TRIM27: variants seen among roughly 807,000 people sequenced by gnomAD.
TRIM27 encodes the protein tripartite motif containing 27.
Under a neutral mutation model 57.6 loss-of-function variants are expected in TRIM27, and 12 were observed. The ratio of observed to expected loss-of-function variants is 0.21; its 90% CI spans 0.13 to 0.34. TRIM27 has a LOEUF of 0.34. TRIM27 is among the 10% of genes least tolerant of loss of function. TRIM27 has a pLI of 1.00. For missense variants in TRIM27, 403 were observed against 656.8 expected (o/e 0.61, Z 4.22); for synonymous variants, 266 against 259.0 (o/e 1.03, Z -0.26).
chr6:28,918,349 A>C (rs368112633), intron 3 of TRIM27, among the ~76,000 whole-genome samples: 1 of 151,680 alleles, frequency 6.6e-6, no homozygotes, highest in Non-Finnish European at 1.5e-5. Flanking sequence ...CATTCACCTG[A>C]CCTAGTCACT....
intron 4 of TRIM27, among the ~76,000 whole-genome samples, chr6:28,910,479 A>T (rs1773121596): frequency 6.6e-6 from 1 of 152,084 alleles, no homozygotes; most frequent in Non-Finnish European, 1.5e-5. Flanking sequence ...ACAGGCATGC[A>T]CCACCACGCC....
intron 6 of TRIM27, 42 bp from the exon 7 acceptor site, chr6:28,907,304 T>G: frequency 1.3e-6 from 2 of 1,596,454 alleles, no homozygotes; most frequent in Non-Finnish European, 1.7e-6. Flanking sequence ...TCATGAGGGT[T>G]TCCAGGAAAT....
At chr6:28,910,628 C>A (rs1475875124) in intron 4 of TRIM27, among the ~76,000 whole-genome samples, 2 of 152,158 alleles carry the variant, frequency 1.3e-5, no homozygotes, top group East Asian at 3.8e-4. Flanking sequence ...CCGCACCCAA[C>A]CTGCACATTT....
At chr6:28,921,810 G>T (rs1281122099) in intron 2 of TRIM27, 82 bp downstream of exon 2, 3 of 1,150,410 alleles carry the variant, frequency 2.6e-6, no homozygotes, top group African/African-American at 3.0e-5. Flanking sequence ...TGACATGCTG[G>T]ACAAGTTTAA....
intron 4 of TRIM27, among the ~76,000 whole-genome samples, chr6:28,909,463 G>C (rs1046697031): frequency 1.3e-5 from 2 of 152,210 alleles, no homozygotes; most frequent in African/African-American, 4.8e-5. Context: ...CAGGGGCTAA[G>C]TTAAACTGTC....
intron 3 of TRIM27, among the ~76,000 whole-genome samples, chr6:28,912,731 A>G (rs1308681657): frequency 1.3e-5 from 2 of 152,186 alleles, no homozygotes; most frequent in African/African-American, 4.8e-5. Context: ...TATCTTGTGC[A>G]TATGTATTTT....
rs1320778644 is a variant in TRIM27, at chr6:28,904,687, A to G, written c.947-22T>C. 8 of 1,576,544 alleles carry G rather than the reference A, an allele frequency of 5.1e-6. No homozygotes were observed. The highest frequency in any genetic ancestry group is 5.1e-6 in the Non-Finnish European group (6 of 1,165,258). On this transcript the variant is annotated intron_variant, in intron 7 of 7. Coordinates refer to ENST00000377199, the MANE Select transcript of TRIM27 (RefSeq NM_006510.5). The surrounding 1 kb of genome is among the most constrained non-coding windows in gnomAD (Gnocchi z 6.1). ...TCCACTGTAGAGACACAAGGAAGAC[A>G]GTCAGCCGTGGGCCAGGAGAGCCTA...
chr6:28,919,579 C>T (rs780193380), intron 3 of TRIM27, among the ~76,000 whole-genome samples: 1 of 152,172 alleles, frequency 6.6e-6, no homozygotes, highest in East Asian at 1.9e-4. Context: ...GGTAACCTAA[C>T]CACTCCTGCT....
intron 3 of TRIM27, among the ~76,000 whole-genome samples, chr6:28,919,663 T>A (rs910394434): frequency 6.7e-4 from 102 of 152,320 alleles, no homozygotes; most frequent in African/African-American, 2.4e-3. Context: ...AGTCTTTGAA[T>A]GACATGTGGT....
In TRIM27 at chr6:28,903,876, T is replaced by C. The variant is rs945185017; in HGVS notation, c.*194A>G. The C allele has an allele frequency of 3.4e-6, 2 of 590,062 alleles. No individual in the cohort carries two copies. Among genetic ancestry groups the C allele is most frequent in the African/African-American group, 1.9e-5 (1 of 53,756 alleles). The allele number at this position is 590,062 out of a possible 1,614,324, so 36.6% of individuals were successfully genotyped here. A position where few individuals can be genotyped will look rare whatever the true frequency, so the allele number is the denominator to read the frequency against. On this transcript the variant is annotated 3_prime_UTR_variant, in exon 8 of 8. Transcript: ENST00000377199. Reference sequence around the variant, plus strand: ...GGTTTTTATTTCTAGGATATCTTGATACATCTCATTACATTTCACAATCTG... The same window carrying C: ...GGTTTTTATTTCTAGGATATCTTGACACATCTCATTACATTTCACAATCTG...
chr6:28,904,749 A>C lies in TRIM27; in HGVS notation c.947-84T>G. On this transcript the variant is annotated intron_variant, in intron 7 of 7. Coordinates refer to ENST00000377199, the MANE Select transcript of TRIM27 (RefSeq NM_006510.5). This position sits in a 1 kb window ranked among gnomAD's most constrained non-coding sequence, Gnocchi z 6.1. ...CCAGCGCCTTTCTACTACCTCCCCAATAATAAGAGGTTCCCACTGGAGGTT... is the reference window on the plus strand; with the variant it reads ...CCAGCGCCTTTCTACTACCTCCCCACTAATAAGAGGTTCCCACTGGAGGTT... 1.1e-6 allele frequency: 1 copy of C among 940,066 alleles called. No homozygotes were observed. Among genetic ancestry groups the C allele is most frequent in the South Asian group, 1.7e-5 (1 of 58,980 alleles). The allele number at this position is 940,066 out of a possible 1,614,324, so 58.2% of individuals were successfully genotyped here. A position where few individuals can be genotyped will look rare whatever the true frequency, so the allele number is the denominator to read the frequency against.
chr6:28,903,941 G>C lies in TRIM27; in HGVS notation c.*129C>G. ...GGATGGTAGAGAACATGGACATCCT[G>C]TCTCCCACTGCAAGGGCGTGGAACA... On this transcript the variant is annotated 3_prime_UTR_variant, in exon 8 of 8. Transcript: ENST00000377199. 1.4e-6 allele frequency: 1 copy of C among 700,816 alleles called. No homozygotes were observed. The highest frequency in any genetic ancestry group is 2.5e-6 in the Non-Finnish European group (1 of 400,376). The allele number at this position is 700,816 out of a possible 1,614,324, so 43.4% of individuals were successfully genotyped here.
Position 28,904,018 on chromosome 6 carries a change from G to A in TRIM27, c.*52C>T. 1 of 1,480,140 alleles carries A rather than the reference G, an allele frequency of 6.8e-7. No individual in the cohort carries two copies. Among genetic ancestry groups the A allele is most frequent in the Non-Finnish European group, 9.3e-7 (1 of 1,075,546 alleles). The allele number at this position is 1,480,140 out of a possible 1,614,324, so 91.7% of individuals were successfully genotyped here. A position where few individuals can be genotyped will look rare whatever the true frequency, so the allele number is the denominator to read the frequency against. ...ACGTGGCAAGGCAACAAGATGCCTT[G>A]TGCCTGGCGTAGGATTACAGCCAAC... On this transcript the variant is annotated 3_prime_UTR_variant, in exon 8 of 8. Coordinates refer to ENST00000377199, the MANE Select transcript of TRIM27 (RefSeq NM_006510.5). The surrounding 1 kb of genome is among the most constrained non-coding windows in gnomAD (Gnocchi z 6.1).
chr6:28,918,790 C>T (rs377035514), intron 3 of TRIM27, among the ~76,000 whole-genome samples: 10 of 151,986 alleles, frequency 6.6e-5, no homozygotes, highest in East Asian at 5.9e-4. Context: ...GCAGGAGAAT[C>T]GCTTGAACCC....
At chr6:28,911,565 T>G (rs1416544971) in intron 4 of TRIM27, 131 bp downstream of exon 4, 4 of 883,148 alleles carry the variant, frequency 4.5e-6, no homozygotes, top group Non-Finnish European at 5.3e-6. Context: ...TACTAGTGAC[T>G]CTCTTCAGGG....
At chr6:28,918,009 A>G (rs1773741721) in intron 3 of TRIM27, among the ~76,000 whole-genome samples, 1 of 151,990 alleles carries the variant, frequency 6.6e-6, no homozygotes, top group South Asian at 2.1e-4. Flanking sequence ...TATTTTTAAT[A>G]GAGATGGGGT....
intron 3 of TRIM27, among the ~76,000 whole-genome samples, chr6:28,913,025 G>A (rs1773322409): frequency 6.6e-6 from 1 of 152,070 alleles, no homozygotes; most frequent in Non-Finnish European, 1.5e-5. Context: ...GGAGGTCCAG[G>A]CGGGCGGATC....
At chr6:28,907,706 T>A (rs1772872962) in intron 6 of TRIM27, 1 of 416,238 alleles carries the variant, frequency 2.4e-6, no homozygotes, top group Non-Finnish European at 4.8e-6. Flanking sequence ...TAAGGCACTT[T>A]ATAGTTGAAA....
intron 2 of TRIM27, 106 bp from the exon 3 acceptor site, chr6:28,920,348 A>G (rs1773928984): frequency 2.2e-6 from 2 of 925,898 alleles, no homozygotes; most frequent in African/African-American, 1.6e-5. Context: ...ATGGATTAAA[A>G]CAAGCACAGT....
Sources: allele counts gnomAD v4.1 joint callset (sites outside exome capture counted in the v4.1 genomes callset), GRCh38; gene constraint gnomAD v4.1.1; non-coding constraint Gnocchi (gnomAD v3.1); transcripts MANE v1.5; gene names NCBI Gene and HGNC (gene_info 2026-07-23, HGNC 2026-07-21).